PIEZO2: variants seen among roughly 807,000 people sequenced by gnomAD.
PIEZO2 encodes piezo type mechanosensitive ion channel component 2.
PIEZO2 carries 172 observed loss-of-function variants against 337.3 expected under a neutral mutation model. That is an observed-to-expected ratio of 0.51 (90% CI 0.45 to 0.58). The LOEUF is 0.58. Ranked by LOEUF, PIEZO2 falls within the 20% of genes least tolerant of loss-of-function variation. The pLI, the probability that PIEZO2 is intolerant of heterozygous loss-of-function variation, is 0.00. For synonymous variants in PIEZO2, 1,251 were observed against 1,228.5 expected (o/e 1.02, Z -0.38); for missense variants, 3,028 against 3,391.3 (o/e 0.89, Z 2.66).
intron 2 of PIEZO2, among the ~76,000 whole-genome samples, chr18:11,065,199 GT>G (rs1479633889): frequency 1.3e-5 from 2 of 152,202 alleles, no homozygotes; most frequent in Non-Finnish European, 2.9e-5. Context: ...TTGTTGTTCT[GT>G]GTACACCGTG....
chr18:10,994,502 A>C (rs2035230012), intron 2 of PIEZO2, among the ~76,000 whole-genome samples: 1 of 150,164 alleles, frequency 6.7e-6, no homozygotes. Flanking sequence ...CTCCGCCTCC[A>C]GGGTTCAAGC....
intron 1 of PIEZO2, among the ~76,000 whole-genome samples, chr18:11,136,930 G>A (rs996661011): frequency 9.2e-5 from 14 of 152,032 alleles, no homozygotes; most frequent in Admixed American, 2.0e-4. Flanking sequence ...GTTCTTATAC[G>A]ATTGTTTAGC....
At chr18:11,124,241 G>C (rs1047445498) in intron 1 of PIEZO2, among the ~76,000 whole-genome samples, 1 of 152,294 alleles carries the variant, frequency 6.6e-6, no homozygotes, top group East Asian at 1.9e-4. Context: ...ATTTGCATGG[G>C]AGACTCAGCC....
Position 10,856,655 on chromosome 18 carries a change from G to A in PIEZO2, c.703+346C>T, listed in dbSNP as rs1321154697. On this transcript the variant is annotated intron_variant, in intron 6 of 55. Transcript: ENST00000674853. The surrounding 1 kb of genome is among the most constrained non-coding windows in gnomAD (Gnocchi z 4.7). ...GAACCCACAATATGGCTTGTGATGG[G>A]TGCATGCACATTGTTAATTGCAGCA... is the stretch of plus-strand genomic sequence containing the variant. Among the ~76,000 whole-genome samples the A allele has an allele frequency of 2.0e-5, 3 of 152,184 alleles. No individual in the cohort carries two copies. Among genetic ancestry groups the A allele is most frequent in the African/African-American group, 7.2e-5 (3 of 41,450 alleles).
chr18:11,075,796 T>G lies in PIEZO2; in HGVS notation c.65-9574A>C, dbSNP rs1020802450. ...AATAGAGATATATTTCTTTTTTTTTTTTTTTTTTTTGAGACAGAGTCTCGC... is the reference window on the plus strand; with the variant it reads ...AATAGAGATATATTTCTTTTTTTTTGTTTTTTTTTTGAGACAGAGTCTCGC... On this transcript the variant is annotated intron_variant, in intron 1 of 55. Coordinates refer to ENST00000674853, the MANE Select transcript of PIEZO2 (RefSeq NM_001378183.1). Among the ~76,000 whole-genome samples the G allele has an allele frequency of 1.0e-3, 156 of 149,812 alleles. 2 individuals are homozygous for G. Among genetic ancestry groups the G allele is most frequent in the African/African-American group, 3.4e-3 (137 of 40,716 alleles).
In PIEZO2 at chr18:10,748,642, G is replaced by T; in HGVS notation, c.4265-12C>A. 1 of 1,423,658 alleles carries T rather than the reference G, an allele frequency of 7.0e-7. No individual in the cohort carries two copies. The highest frequency in any genetic ancestry group is 9.1e-7 in the Non-Finnish European group (1 of 1,094,660). The allele number at this position is 1,423,658 out of a possible 1,614,324, so 88.2% of individuals were successfully genotyped here. ...TGAATTAGCAGCAGCTATAGTAACA[G>T]TAGAAAAACACACATTAAAATTAAC... On this transcript the variant is annotated splice_polypyrimidine_tract_variant and intron_variant, in intron 29 of 55. Coordinates refer to ENST00000674853, the MANE Select transcript of PIEZO2 (RefSeq NM_001378183.1). The surrounding 1 kb of genome is among the most constrained non-coding windows in gnomAD (Gnocchi z 5.1).
chr18:11,148,018 C>T lies in PIEZO2; in HGVS notation c.64+507G>A, dbSNP rs970680587. Among the ~76,000 whole-genome samples, 1 of 152,208 alleles carries T rather than the reference C, an allele frequency of 6.6e-6. No individual in the cohort carries two copies. ...ACGTCAAGGCACTGTCTCCCTGTACCTCGTCCCTCTTTTTCTTTTTTGAAT... is the reference window on the plus strand; with the variant it reads ...ACGTCAAGGCACTGTCTCCCTGTACTTCGTCCCTCTTTTTCTTTTTTGAAT... On this transcript the variant is annotated intron_variant, in intron 1 of 55. Transcript: ENST00000674853. This position sits in a 1 kb window ranked among gnomAD's most constrained non-coding sequence, Gnocchi z 5.2.
At chr18:11,091,674 A>G (rs1426297527) in intron 1 of PIEZO2, among the ~76,000 whole-genome samples, 1 of 152,230 alleles carries the variant, frequency 6.6e-6, no homozygotes, top group Non-Finnish European at 1.5e-5. Flanking sequence ...ATGAGATGCC[A>G]GCCCATGTCT....
Position 11,033,016 on chromosome 18 carries a change from G to A in PIEZO2, c.160+33111C>T, listed in dbSNP as rs746654299. ...TGCCTCCCTCTCTTCCAGGGCAAGC[G>A]TACAGAGACAGAGTTCCAGGGTCTG... On this transcript the variant is annotated intron_variant, in intron 2 of 55. Transcript: ENST00000674853. The surrounding 1 kb of genome is among the most constrained non-coding windows in gnomAD (Gnocchi z 4.2). 3.9e-5 allele frequency among the ~76,000 whole-genome samples: 6 copies of A among 152,164 alleles called. No individual in the cohort carries two copies. Among genetic ancestry groups the A allele is most frequent in the Non-Finnish European group, 5.9e-5 (4 of 68,030 alleles).
At chr18:11,076,872 C>A (rs577301687) in intron 1 of PIEZO2, among the ~76,000 whole-genome samples, 1 of 152,232 alleles carries the variant, frequency 6.6e-6, no homozygotes, top group South Asian at 2.1e-4. Flanking sequence ...GCTTCTTCCT[C>A]CTTTGAAATA....
Position 10,973,387 on chromosome 18 carries a change from T to A in PIEZO2, c.286+6148A>T, listed in dbSNP as rs264235. ...CTACTGATCATAAATGTGTCTTTGC[T>A]CACTATGGAGAGCAGCAGTCTCCAT... On this transcript the variant is annotated intron_variant, in intron 3 of 55. Coordinates refer to ENST00000674853, the MANE Select transcript of PIEZO2 (RefSeq NM_001378183.1). This position sits in a 1 kb window ranked among gnomAD's most constrained non-coding sequence, Gnocchi z 4.9. Among the ~76,000 whole-genome samples, 8 of 152,016 alleles carry A rather than the reference T, an allele frequency of 5.3e-5. No individual in the cohort carries two copies. Among genetic ancestry groups the A allele is most frequent in the African/African-American group, 1.5e-4 (6 of 41,370 alleles).
At chr18:11,058,988 G>T (rs951637580) in intron 2 of PIEZO2, among the ~76,000 whole-genome samples, 9 of 152,218 alleles carry the variant, frequency 5.9e-5, no homozygotes, top group Non-Finnish European at 1.2e-4. Context: ...AGGAAAAAAT[G>T]TAAAGGGCAG....
chr18:11,119,596 T>A (rs773420902), intron 1 of PIEZO2, among the ~76,000 whole-genome samples: 2 of 152,148 alleles, frequency 1.3e-5, no homozygotes, highest in African/African-American at 2.4e-5. Context: ...ATTAACACAA[T>A]GAAATATTAC....
rs897570624 is a variant in PIEZO2 at position 11,002,938 on chromosome 18, T to C, written c.161-23278A>G. 2.0e-5 allele frequency among the ~76,000 whole-genome samples: 3 copies of C among 152,218 alleles called. No homozygotes were observed. Among genetic ancestry groups the C allele is most frequent in the African/African-American group, 7.2e-5 (3 of 41,466 alleles). ...AAAGAATTTTCTTTAGTAGAATCAG[T>C]TGATTAACCAGTGCCACTCAAACAG... is the stretch of plus-strand genomic sequence containing the variant. On this transcript the variant is annotated intron_variant, in intron 2 of 55. Coordinates refer to ENST00000674853, the MANE Select transcript of PIEZO2 (RefSeq NM_001378183.1). This position sits in a 1 kb window ranked among gnomAD's most constrained non-coding sequence, Gnocchi z 4.3.
chr18:11,076,374 T>A (rs890357162), intron 1 of PIEZO2, among the ~76,000 whole-genome samples: 1 of 152,116 alleles, frequency 6.6e-6, no homozygotes, highest in Admixed American at 6.5e-5. Flanking sequence ...TATTAGAAAA[T>A]CATAACTACT....
In PIEZO2 at chr18:10,773,535, C is replaced by A; in HGVS notation, c.2662G>T (p.Gly888Trp). The change falls in exon 20 of 56, where the codon GGG becomes TGG. Residue 888 changes from glycine (G) to tryptophan (W), a missense_variant. Gly to Trp is a radical substitution (Grantham distance 184). Coordinates refer to ENST00000674853, the MANE Select transcript of PIEZO2 (RefSeq NM_001378183.1). This position sits in a 1 kb window ranked among gnomAD's most constrained non-coding sequence, Gnocchi z 5.3. ...KPEVRKLAEP[G>W]EEKLEGYSEK... Reference sequence around the variant, plus strand: ...GAGTAGCCCTCAAGCTTCTCCTCCCCAGGCTCAGCCAACTTCCTCACCTCC... The same window carrying A: ...GAGTAGCCCTCAAGCTTCTCCTCCCAAGGCTCAGCCAACTTCCTCACCTCC... 6.5e-7 allele frequency: 1 copy of A among 1,537,454 alleles called. No individual in the cohort carries two copies. The highest frequency in any genetic ancestry group is 8.7e-7 in the Non-Finnish European group (1 of 1,146,976).
intron 1 of PIEZO2, among the ~76,000 whole-genome samples, chr18:11,145,062 CA>C (rs1350407814): frequency 1.3e-5 from 2 of 152,072 alleles, no homozygotes; most frequent in African/African-American, 4.8e-5. Flanking sequence ...CAATAATTAT[CA>C]GTTATAATTA....
chr18:10,689,935 A>C, intron 48 of PIEZO2, 133 bp from the exon 49 acceptor site: 1 of 985,262 alleles, frequency 1.0e-6, no homozygotes, highest in Middle Eastern at 3.4e-4. Context: ...TGACCCTTCC[A>C]GTAAAACCCA....
At chr18:10,884,771 T>C (rs978080896) in intron 4 of PIEZO2, among the ~76,000 whole-genome samples, 1 of 152,156 alleles carries the variant, frequency 6.6e-6, no homozygotes, top group Non-Finnish European at 1.5e-5. Context: ...GAAGATAAGA[T>C]ACACAGTGGG....
Sources: allele counts gnomAD v4.1 joint callset (sites outside exome capture counted in the v4.1 genomes callset), GRCh38; gene constraint gnomAD v4.1.1; non-coding constraint Gnocchi (gnomAD v3.1); transcripts MANE v1.5; gene names NCBI Gene and HGNC (gene_info 2026-07-23, HGNC 2026-07-21).